PRLR: variants seen among roughly 807,000 people sequenced by gnomAD.
PRLR encodes the protein prolactin receptor, also known as hPRL receptor.
In PRLR, 13 loss-of-function variants were observed where a neutral mutation model predicts 40.2. That is an observed-to-expected ratio of 0.32 (90% CI 0.21 to 0.51). The LOEUF is 0.51. Ranked by LOEUF, PRLR falls within the 20% of genes least tolerant of loss-of-function variation. The pLI, the probability that PRLR is intolerant of heterozygous loss-of-function variation, is 0.97. For synonymous variants in PRLR, 269 were observed against 278.7 expected, an observed-to-expected ratio of 0.97 and a Z score of 0.35; for missense variants, 656 against 747.3, an observed-to-expected ratio of 0.88 and a Z score of 1.42.
At chr5:35,086,905 C>T (rs1476681176) in intron 3 of PRLR, among the ~76,000 whole-genome samples, 16 of 152,160 alleles carry the variant, frequency 1.1e-4, no homozygotes, top group East Asian at 7.7e-4. Flanking sequence ...ATCTTCTGTC[C>T]GTTCACTACA....
At chr5:35,210,859 T>C (rs1285982196) in intron 1 of PRLR, among the ~76,000 whole-genome samples, 1 of 152,142 alleles carries the variant, frequency 6.6e-6, no homozygotes, top group Non-Finnish European at 1.5e-5. Context: ...AACAGGTGCG[T>C]GACACCATGC....
chr5:35,160,146 C>T (rs866485269), intron 1 of PRLR, among the ~76,000 whole-genome samples: 1 of 152,102 alleles, frequency 6.6e-6, no homozygotes, highest in South Asian at 2.1e-4. Context: ...CAGTCCACCA[C>T]CAAGCTAAAA....
chr5:35,180,928 T>C (rs531306158), intron 1 of PRLR, among the ~76,000 whole-genome samples: 136 of 152,362 alleles, frequency 8.9e-4, no homozygotes, highest in African/African-American at 3.2e-3. Context: ...TATTTCTTTA[T>C]AGCACTGTGA....
intron 5 of PRLR, chr5:35,081,472 A>G: frequency 5.5e-6 from 1 of 180,910 alleles, no homozygotes. Flanking sequence ...GACATCAAAA[A>G]GGTGGTGAAG....
chr5:35,091,441 C>T (rs371182450), intron 2 of PRLR, among the ~76,000 whole-genome samples: 1 of 152,134 alleles, frequency 6.6e-6, no homozygotes, highest in African/African-American at 2.4e-5. Context: ...ACAACAGCCC[C>T]GTGAGCAGCT....
chr5:35,181,429 A>G (rs1460342291), intron 1 of PRLR, among the ~76,000 whole-genome samples: 1 of 152,210 alleles, frequency 6.6e-6, no homozygotes, highest in Non-Finnish European at 1.5e-5. Flanking sequence ...CTGTGTGCTT[A>G]TATTAATTTT....
Position 35,128,945 on chromosome 5 carries a change from T to G in PRLR, c.-105-10823A>C, listed in dbSNP as rs6890281. 6.5e-4 allele frequency among the ~76,000 whole-genome samples: 99 copies of G among 152,330 alleles called. 1 individual carries two copies. The highest frequency in any genetic ancestry group is 2.4e-3 in the African/African-American group (98 of 41,584). ...TCTGCCTCCTTCCCCGTATTCCCTC[T>G]TTTTCCTTTCAACCCTTACTGCTGA... On this transcript the variant is annotated intron_variant, in intron 1 of 9. Transcript: ENST00000618457.
intron 2 of PRLR, among the ~76,000 whole-genome samples, chr5:35,107,139 G>C (rs930134103): frequency 8.5e-5 from 13 of 152,112 alleles, no homozygotes; most frequent in African/African-American, 3.1e-4. Context: ...GGGTAAATAA[G>C]TAAATGAAGG....
intron 2 of PRLR, among the ~76,000 whole-genome samples, chr5:35,110,542 C>T (rs1357248067): frequency 6.6e-6 from 1 of 152,054 alleles, no homozygotes; most frequent in Non-Finnish European, 1.5e-5. Context: ...GCTCTAAAAT[C>T]CCCTCTAAAA....
chr5:35,130,159 G>T (rs1386200467), intron 1 of PRLR: 6 of 152,258 alleles, frequency 3.9e-5, no homozygotes, highest in East Asian at 3.9e-4. Context: ...ATTAATATTT[G>T]CCCTGGGATA....
intron 1 of PRLR, among the ~76,000 whole-genome samples, chr5:35,139,442 T>C (rs1285622162): frequency 6.6e-6 from 1 of 152,106 alleles, no homozygotes; most frequent in Admixed American, 6.5e-5. Flanking sequence ...CAACAAGTGC[T>C]AATAATAAAA....
intron 2 of PRLR, among the ~76,000 whole-genome samples, chr5:35,104,108 A>G (rs1265523827): frequency 6.6e-6 from 1 of 152,192 alleles, no homozygotes; most frequent in Non-Finnish European, 1.5e-5. Flanking sequence ...TTCTGAGAAC[A>G]CAGTAGCACT....
intron 1 of PRLR, among the ~76,000 whole-genome samples, chr5:35,225,409 G>T (rs1776522994): frequency 6.6e-6 from 1 of 152,184 alleles, no homozygotes; most frequent in Non-Finnish European, 1.5e-5. Context: ...TATGGGGGCA[G>T]ATGAGAAGGA....
intron 1 of PRLR, among the ~76,000 whole-genome samples, chr5:35,167,180 T>TCTATCTAC (rs1259158460): frequency 6.6e-6 from 1 of 151,202 alleles, no homozygotes; most frequent in African/African-American, 2.4e-5. Context: ...TATCTATCTA[T>TCTATCTAC]CTATCTATCA....
intron 8 of PRLR, among the ~76,000 whole-genome samples, chr5:35,068,532 C>A (rs1426530905): frequency 6.6e-6 from 1 of 152,118 alleles, no homozygotes; most frequent in Non-Finnish European, 1.5e-5. Flanking sequence ...ATTTTAGCTA[C>A]TCTTGCCAGA....
chr5:35,226,219 C>T (rs1438883580), intron 1 of PRLR, among the ~76,000 whole-genome samples: 4 of 152,186 alleles, frequency 2.6e-5, no homozygotes, highest in African/African-American at 4.8e-5. Flanking sequence ...CTCCTTCTAT[C>T]GGCTTCCTTA....
chr5:35,116,243 C>A (rs1579686468), intron 2 of PRLR, among the ~76,000 whole-genome samples: 1 of 152,098 alleles, frequency 6.6e-6, no homozygotes, highest in Non-Finnish European at 1.5e-5. Context: ...CTTTTAGGGC[C>A]TTGGTTTGCC....
At chr5:35,114,144 C>G (rs1173331583) in intron 2 of PRLR, among the ~76,000 whole-genome samples, 1 of 152,136 alleles carries the variant, frequency 6.6e-6, no homozygotes, top group Non-Finnish European at 1.5e-5. Flanking sequence ...CATGGGTAGG[C>G]ACACACTTTG....
intron 1 of PRLR, among the ~76,000 whole-genome samples, chr5:35,203,747 G>T (rs945797204): frequency 2.6e-5 from 4 of 152,148 alleles, no homozygotes; most frequent in Admixed American, 1.3e-4. Flanking sequence ...ATTATTTCTT[G>T]AATATGGTTT....
Sources: gnomAD v4.1 joint callset for allele counts (sites outside exome capture counted in the v4.1 genomes callset) on GRCh38, gnomAD v4.1.1 for gene constraint, MANE v1.5 for transcripts, NCBI Gene and HGNC (gene_info 2026-07-23, HGNC 2026-07-21) for gene names.